Variants in R3HDML observed in about 807,000 individuals in gnomAD.
R3HDML encodes peptidase inhibitor R3HDML.
R3HDML carries 21 observed loss-of-function variants against 24.2 expected under a neutral mutation model. The ratio of observed to expected loss-of-function variants is 0.87; its 90% CI spans 0.62 to 1.25. The LOEUF (loss-of-function observed/expected upper bound fraction) is 1.25, where lower values mean the gene tolerates loss of function less well. R3HDML is among the 50% of genes most tolerant of loss of function. R3HDML has a pLI of 0.00. For synonymous variants in R3HDML, 133 were observed against 131.5 expected (o/e 1.01, Z -0.08); for missense variants, 301 against 340.3 (o/e 0.88, Z 0.91).
intron 4 of R3HDML, among the ~76,000 whole-genome samples, chr20:44,347,281 A>G (rs1353972569): frequency 1.3e-5 from 2 of 151,290 alleles, no homozygotes; most frequent in East Asian, 3.9e-4. Flanking sequence ...TGCAATAGCC[A>G]GATCATAGCT....
intron 3 of R3HDML, 66 bp from the exon 4 acceptor site, chr20:44,345,197 A>G (rs2062782820): frequency 7.8e-7 from 1 of 1,288,694 alleles, no homozygotes; most frequent in African/African-American, 1.5e-5. Context: ...GCAACTGTAC[A>G]ACCCCAGGGA....
In R3HDML at chr20:44,349,527, T is replaced by C. The variant is rs140239762; in HGVS notation, c.630-1133T>C. 1.1e-3 allele frequency among the ~76,000 whole-genome samples: 173 copies of C among 152,338 alleles called. 1 individual carries two copies. The highest frequency in any genetic ancestry group is 3.4e-3 in the Middle Eastern group (1 of 294). On this transcript the variant is annotated intron_variant, in intron 4 of 4. Coordinates refer to ENST00000217043, the MANE Select transcript of R3HDML (RefSeq NM_178491.4). ...CAGAAGTGTTTGTTGAATGACTAAA[T>C]GATTGAATGAGTCCTGTTAGGAAAC... is the stretch of plus-strand genomic sequence containing the variant.
chr20:44,343,798 T>C (rs77675182), intron 3 of R3HDML, among the ~76,000 whole-genome samples: 15,196 of 151,708 alleles, frequency 0.1, 946 homozygotes, highest in Middle Eastern at 0.17. Context: ...CAGGTTCAAG[T>C]GAAACTCTGT....
At chr20:44,345,707 C>A (rs1176394723) in intron 4 of R3HDML, among the ~76,000 whole-genome samples, 1 of 151,296 alleles carries the variant, frequency 6.6e-6, no homozygotes, top group Non-Finnish European at 1.5e-5. Flanking sequence ...AGGGGTGAGG[C>A]GGGAGGGTCA....
intron 4 of R3HDML, among the ~76,000 whole-genome samples, chr20:44,347,352 G>T (rs1222690624): frequency 6.6e-6 from 1 of 151,776 alleles, no homozygotes; most frequent in Non-Finnish European, 1.5e-5. Flanking sequence ...CTGAGTAGCT[G>T]GGAGTACAGG....
chr20:44,343,680 T>TTTTTTG (rs1210564029), intron 3 of R3HDML, among the ~76,000 whole-genome samples, 171 bp downstream of exon 3: 1 of 152,178 alleles, frequency 6.6e-6, no homozygotes, highest in Non-Finnish European at 1.5e-5. Context: ...GAGGTGAATC[T>TTTTTTG]TTTTTGTTTT....
At chr20:44,339,971 G>T (rs2062767874) in intron 1 of R3HDML, among the ~76,000 whole-genome samples, 2 of 151,792 alleles carry the variant, frequency 1.3e-5, no homozygotes, top group African/African-American at 4.8e-5. Flanking sequence ...TATTATTTTT[G>T]AAGACAGAGT....
intron 4 of R3HDML, among the ~76,000 whole-genome samples, chr20:44,348,641 C>T (rs774058660): frequency 6.6e-6 from 1 of 152,126 alleles, no homozygotes; most frequent in Non-Finnish European, 1.5e-5. Context: ...GCTGGGACTA[C>T]AGGCGTTCAC....
intron 2 of R3HDML, among the ~76,000 whole-genome samples, chr20:44,342,869 G>A (rs924187861): frequency 3.3e-5 from 5 of 152,108 alleles, no homozygotes; most frequent in African/African-American, 1.2e-4. Context: ...CACAAGAATT[G>A]CTTGAACCCA....
chr20:44,350,166 T>C (rs1389182026), intron 4 of R3HDML, among the ~76,000 whole-genome samples: 1 of 152,140 alleles, frequency 6.6e-6, no homozygotes, highest in Admixed American at 6.5e-5. Flanking sequence ...CATGTGATCT[T>C]TGCTGAATTC....
intron 2 of R3HDML, 146 bp from the exon 3 acceptor site, chr20:44,343,231 C>T (rs1600600142): frequency 1.1e-6 from 1 of 943,308 alleles, no homozygotes; most frequent in East Asian, 2.6e-5. Flanking sequence ...GCCTGTGAGG[C>T]AGGGCCACTG....
chr20:44,345,227 C>T (rs779553618), intron 3 of R3HDML, 36 bp from the exon 4 acceptor site: 1 of 1,572,608 alleles, frequency 6.4e-7, no homozygotes, highest in South Asian at 1.1e-5. Flanking sequence ...CCACTGAGCC[C>T]TTCTCATAGC....
chr20:44,338,431 A>G (rs755779989), intron 1 of R3HDML, among the ~76,000 whole-genome samples: 20 of 152,192 alleles, frequency 1.3e-4, no homozygotes, highest in Non-Finnish European at 2.4e-4. Context: ...TGTACATAAG[A>G]TAACGTGAGG....
intron 1 of R3HDML, among the ~76,000 whole-genome samples, chr20:44,338,018 A>T (rs2062762402): frequency 6.6e-6 from 1 of 152,216 alleles, no homozygotes; most frequent in Non-Finnish European, 1.5e-5. Context: ...GCTGACCAGC[A>T]GAGGAAGCTG....
At chr20:44,346,175 C>A (rs1367774671) in intron 4 of R3HDML, among the ~76,000 whole-genome samples, 1 of 151,962 alleles carries the variant, frequency 6.6e-6, no homozygotes, top group Non-Finnish European at 1.5e-5. Flanking sequence ...GGCTGGAGTA[C>A]AGTGGCACAA....
chr20:44,337,138 T>C lies in R3HDML; in HGVS notation c.-20T>C. 6.2e-7 allele frequency: 1 copy of C among 1,606,288 alleles called. No homozygotes were observed. The highest frequency in any genetic ancestry group is 1.3e-5 in the African/African-American group (1 of 74,954). On this transcript the variant is annotated 5_prime_UTR_variant, in exon 1 of 5. Transcript: ENST00000217043. The surrounding 1 kb of genome is among the most constrained non-coding windows in gnomAD (Gnocchi z 4.7). ...CGGCTCTGATTGCACAAGGCAGACCTGTGACTCCTCCATCCAGCTATGCCC... is the reference window on the plus strand; with the variant it reads ...CGGCTCTGATTGCACAAGGCAGACCCGTGACTCCTCCATCCAGCTATGCCC...
At chr20:44,342,953 C>CA (rs1041435756) in intron 2 of R3HDML, among the ~76,000 whole-genome samples, 11 of 151,466 alleles carry the variant, frequency 7.3e-5, no homozygotes, top group South Asian at 4.2e-4. Flanking sequence ...GACTCCATCT[C>CA]AAAAAAAAGA....
Position 44,351,114 on chromosome 20 carries a change from C to T in R3HDML, c.*322C>T. ...CACCTTGGGACCAGGCATAATGGCT[C>T]ACACCTATAATCCCAGTATTTTGGG... On this transcript the variant is annotated 3_prime_UTR_variant, in exon 5 of 5. Transcript: ENST00000217043. 1 of 256,702 alleles carries T rather than the reference C, an allele frequency of 3.9e-6. No individual in the cohort carries two copies. Among genetic ancestry groups the T allele is most frequent in the Non-Finnish European group, 7.4e-6 (1 of 136,006 alleles). 15.9% of individuals were successfully genotyped at this position (256,702 alleles called of 1,614,324 possible). A position where few individuals can be genotyped will look rare whatever the true frequency, so the allele number is the denominator to read the frequency against.
intron 3 of R3HDML, 189 bp from the exon 4 acceptor site, chr20:44,345,074 T>C: frequency 1.7e-6 from 1 of 593,308 alleles, no homozygotes; most frequent in Non-Finnish European, 3.0e-6. Context: ...TACTGTTGGT[T>C]GTAATAAAAA....
Sources: allele counts gnomAD v4.1 joint callset (sites outside exome capture counted in the v4.1 genomes callset), GRCh38; gene constraint gnomAD v4.1.1; non-coding constraint Gnocchi (gnomAD v3.1); transcripts MANE v1.5; gene names NCBI Gene and HGNC (gene_info 2026-07-23, HGNC 2026-07-21).